The following RET variants were observed in gnomAD, a reference collection of about 807,000 sequenced individuals.
RET encodes proto-oncogene tyrosine-protein kinase receptor Ret.
RET carries 19 observed loss-of-function variants against 118.3 expected under a neutral mutation model. That is an observed-to-expected ratio of 0.16 (90% CI 0.11 to 0.24). The LOEUF (loss-of-function observed/expected upper bound fraction) is 0.24. Among genes scored for constraint, RET ranks in the 10% least tolerant of loss-of-function variants. RET has a pLI of 1.00. For synonymous variants in RET, 597 were observed against 644.1 expected, an observed-to-expected ratio of 0.93 and a Z score of 1.11; for missense variants, 1,219 against 1,502.1, an observed-to-expected ratio of 0.81 and a Z score of 3.12.
At chr10:43,078,064 C>A (rs1837090990) in intron 1 of RET, among the ~76,000 whole-genome samples, 2 of 152,312 alleles carry the variant, frequency 1.3e-5, no homozygotes, top group South Asian at 4.1e-4. Flanking sequence ...CGCCGCCAGC[C>A]AGCGTTGGTG....
At chr10:43,090,784 C>G (rs1413645472) in intron 1 of RET, among the ~76,000 whole-genome samples, 1 of 150,724 alleles carries the variant, frequency 6.6e-6, no homozygotes, top group Non-Finnish European at 1.5e-5. Flanking sequence ...AGAGGTTCCT[C>G]CTCTGCAGGC....
chr10:43,111,077 CG>C (rs1033317236), intron 6 of RET, 129 bp from the exon 7 acceptor site: 25 of 1,318,792 alleles, frequency 1.9e-5, no homozygotes, highest in East Asian at 7.2e-5. Context: ...ACAGGGTGCT[CG>C]GGGGGGCTGC....
Position 43,112,887 on chromosome 10 carries a change from C to T in RET, c.1683C>T (p.Ser561=). The change falls in exon 9 of 20, where the codon AGC becomes AGT. Residue 561 remains serine (S), a synonymous_variant. Coordinates refer to ENST00000355710, the MANE Select transcript of RET (RefSeq NM_020975.6). ...ITRNFSTCSP[S]TKTCPDGHCD... is the part of the protein sequence containing the mutation. ...GGAACTTCTCCACCTGCTCTCCCAG[C>T]ACCAAGACCTGCCCCGACGGCCACT... is the stretch of plus-strand genomic sequence containing the variant. 6.2e-7 allele frequency: 1 copy of T among 1,614,126 alleles called. No individual in the cohort carries two copies.
intron 1 of RET, among the ~76,000 whole-genome samples, chr10:43,093,048 G>A (rs1381001298): frequency 1.3e-5 from 2 of 152,144 alleles, no homozygotes; most frequent in Non-Finnish European, 2.9e-5. Context: ...TCATTCATTG[G>A]TTCATAAATT....
chr10:43,087,975 G>A (rs912357447), intron 1 of RET, among the ~76,000 whole-genome samples: 3 of 152,168 alleles, frequency 2.0e-5, no homozygotes, highest in Admixed American at 1.3e-4. Flanking sequence ...AGTGGAGGTC[G>A]TGATGATGGT....
At position 43,111,346 on chromosome 10, in the gene RET, A is replaced by G. The variant is rs1467587616; in HGVS notation, c.1403A>G (p.Asn468Ser). 1.9e-6 allele frequency: 3 copies of G among 1,614,092 alleles called. No homozygotes were observed. Among genetic ancestry groups the G allele is most frequent in the East Asian group, 2.2e-5 (1 of 44,884 alleles). ...GACACCTCGGGGATCCTGTTTGTGA[A>G]TGACACCAAGGCCCTGCGGCGGCCC... ...AEDTSGILFV[N>S]DTKALRRPKC... The change falls in exon 7 of 20, where the codon AAT (asparagine) becomes AGT (serine). Residue 468 changes from asparagine (N) to serine (S), a missense_variant. Asn to Ser is a conservative substitution (Grantham distance 46). Coordinates refer to ENST00000355710, the MANE Select transcript of RET (RefSeq NM_020975.6).
intron 19 of RET, among the ~76,000 whole-genome samples, chr10:43,127,657 CTA>C (rs1838364974): frequency 6.6e-6 from 1 of 151,950 alleles, no homozygotes; most frequent in African/African-American, 2.4e-5. Flanking sequence ...GCTGACGATG[CTA>C]TGAGGCTGGC....
chr10:43,088,041 TGTGGTGGTG>T (rs760965241), intron 1 of RET, among the ~76,000 whole-genome samples: 1 of 151,286 alleles, frequency 6.6e-6, no homozygotes, highest in Non-Finnish European at 1.5e-5. Context: ...GAGTGGTGGT[TGTGGTGGTG>T]GTGGTGGTGA....
At chr10:43,079,151 C>T (rs1265437455) in intron 1 of RET, among the ~76,000 whole-genome samples, 2 of 152,188 alleles carry the variant, frequency 1.3e-5, no homozygotes, top group African/African-American at 4.8e-5. Context: ...GACTGGGTCT[C>T]TAGAGGATGA....
chr10:43,119,455 G>C (rs1011427316), intron 13 of RET, 76 bp from the exon 14 acceptor site: 1 of 1,311,702 alleles, frequency 7.6e-7, no homozygotes, highest in Admixed American at 2.0e-5. Flanking sequence ...GGGACCCTGC[G>C]GCCTCCCACC....
At chr10:43,085,913 A>G (rs774769787) in intron 1 of RET, among the ~76,000 whole-genome samples, 16 of 152,174 alleles carry the variant, frequency 1.1e-4, no homozygotes, top group Non-Finnish European at 1.8e-4. Flanking sequence ...GTCTGGCCCC[A>G]GGTCTGTGCT....
intron 18 of RET, 148 bp downstream of exon 18, chr10:43,125,130 A>C: frequency 1.3e-6 from 1 of 793,236 alleles, no homozygotes; most frequent in Non-Finnish European, 2.2e-6. Flanking sequence ...TCTCCCCTGC[A>C]TGCAGACAGC....
In RET at chr10:43,106,646, C is replaced by A; in HGVS notation, c.1063+75C>A. The A allele has an allele frequency of 1.4e-6, 2 of 1,464,154 alleles. No homozygotes were observed. Among genetic ancestry groups the A allele is most frequent in the Non-Finnish European group, 1.9e-6 (2 of 1,064,344 alleles). 90.7% of individuals were successfully genotyped at this position (1,464,154 alleles called of 1,614,324 possible). A position where few individuals can be genotyped will look rare whatever the true frequency, so the allele number is the denominator to read the frequency against. ...GCTCGCTCTTCATGGGCAAGCAGCACCCTACACACATGCACACCTGGCATG... is the reference window on the plus strand; with the variant it reads ...GCTCGCTCTTCATGGGCAAGCAGCAACCTACACACATGCACACCTGGCATG... On this transcript the variant is annotated intron_variant, in intron 5 of 19. Transcript: ENST00000355710. This position sits in a 1 kb window ranked among gnomAD's most constrained non-coding sequence, Gnocchi z 5.1.
rs556183397 is a variant in RET at position 43,116,862 on chromosome 10, C to T, written c.2284+131C>T. ...TTCTAGAGCGGCTGCAGTTGGGGGA[C>T]CCCTACCATGGGCCACTTGGGCCTA... On this transcript the variant is annotated intron_variant, in intron 12 of 19. Coordinates refer to ENST00000355710, the MANE Select transcript of RET (RefSeq NM_020975.6). 4.3e-6 allele frequency: 5 copies of T among 1,166,044 alleles called. No individual in the cohort carries two copies. The African/African-American group carries it at 7.7e-5, about 18-fold the overall frequency. 72.2% of individuals were successfully genotyped at this position (1,166,044 alleles called of 1,614,324 possible).
intron 1 of RET, among the ~76,000 whole-genome samples, chr10:43,099,545 T>C (rs1177478211): frequency 1.3e-5 from 2 of 151,532 alleles, no homozygotes; most frequent in Non-Finnish European, 2.9e-5. Context: ...AATAAATAAA[T>C]AAATAAATAA....
chr10:43,110,507 G>A (rs1319326262), intron 6 of RET, among the ~76,000 whole-genome samples: 1 of 152,164 alleles, frequency 6.6e-6, no homozygotes. Context: ...GTTGCCAAGA[G>A]GTTGAAAGAA....
intron 2 of RET, among the ~76,000 whole-genome samples, chr10:43,101,538 C>T (rs544993296): frequency 9.2e-5 from 14 of 152,332 alleles, no homozygotes; most frequent in African/African-American, 3.1e-4. Context: ...TGAGGTTGGT[C>T]GTGGTTCTAC....
intron 1 of RET, among the ~76,000 whole-genome samples, chr10:43,098,722 A>G (rs1270022339): frequency 2.6e-5 from 4 of 152,214 alleles, no homozygotes; most frequent in Non-Finnish European, 5.9e-5. Flanking sequence ...GCGCCCGGCC[A>G]GATTTCCCTC....
At chr10:43,126,523 G>C in intron 18 of RET, 52 bp from the exon 19 acceptor site, 1 of 1,493,704 alleles carries the variant, frequency 6.7e-7, no homozygotes, top group Non-Finnish European at 9.3e-7. Context: ...ATACTGAGTT[G>C]TATCTAGTTG....
Sources: gnomAD v4.1 joint callset for allele counts (sites outside exome capture counted in the v4.1 genomes callset) on GRCh38, gnomAD v4.1.1 for gene constraint, Gnocchi (gnomAD v3.1) non-coding constraint, MANE v1.5 for transcripts, NCBI Gene and HGNC (gene_info 2026-07-23, HGNC 2026-07-21) for gene names.